Variants in DLST observed in about 807,000 individuals in gnomAD.
DLST encodes the protein dihydrolipoamide S-succinyltransferase.
A neutral mutation model predicts 53.1 loss-of-function variants in DLST; 17 were observed. The ratio of observed to expected loss-of-function variants is 0.32; its 90% CI spans 0.22 to 0.48. The LOEUF (loss-of-function observed/expected upper bound fraction) is 0.48. Ranked by LOEUF, DLST falls within the 20% of genes least tolerant of loss-of-function variation. The pLI is 0.99. For missense variants in DLST, 512 were observed against 583.9 expected (o/e 0.88, Z 1.27); for synonymous variants, 206 against 204.8 (o/e 1.01, Z -0.05).
chr14:74,900,984 C>T, intron 13 of DLST, 82 bp from the exon 14 acceptor site: 1 of 1,514,936 alleles, frequency 6.6e-7, no homozygotes. Flanking sequence ...CCTCGGCCTC[C>T]CAAAGCGCTG....
chr14:74,892,344 G>A (rs1474849176), intron 7 of DLST, among the ~76,000 whole-genome samples: 1 of 152,132 alleles, frequency 6.6e-6, no homozygotes, highest in Non-Finnish European at 1.5e-5. Flanking sequence ...GCCTCCCAAG[G>A]GGAGTAATCC....
At chr14:74,898,540 T>G (rs1594881045) in intron 11 of DLST, 41 bp downstream of exon 11, 2 of 1,608,456 alleles carry the variant, frequency 1.2e-6, no homozygotes, top group Non-Finnish European at 8.5e-7. Flanking sequence ...TCCTGGGAGG[T>G]AGGTGTATGA....
chr14:74,882,177 C>T (rs1883542776), intron 1 of DLST, among the ~76,000 whole-genome samples, 161 bp downstream of exon 1: 3 of 152,098 alleles, frequency 2.0e-5, no homozygotes, highest in Admixed American at 1.3e-4. Context: ...CGTGGTTGCC[C>T]TCGGGACCGT....
At chr14:74,882,484 A>AT in intron 1 of DLST, 107 bp from the exon 2 acceptor site, 1 of 1,117,968 alleles carries the variant, frequency 8.9e-7, no homozygotes, top group Non-Finnish European at 1.3e-6. Flanking sequence ...GAGTTACGAG[A>AT]TTCACCTGTC....
intron 8 of DLST, among the ~76,000 whole-genome samples, 169 bp downstream of exon 8, chr14:74,893,155 T>C (rs1046904780): frequency 6.6e-6 from 1 of 152,242 alleles, no homozygotes; most frequent in African/African-American, 2.4e-5. Flanking sequence ...CAGCTTTCTG[T>C]TACTAGCTGT....
At chr14:74,892,344 G>C (rs1474849176) in intron 7 of DLST, among the ~76,000 whole-genome samples, 5 of 152,132 alleles carry the variant, frequency 3.3e-5, no homozygotes, top group Admixed American at 2.0e-4. Context: ...GCCTCCCAAG[G>C]GGAGTAATCC....
chr14:74,898,299 G>A, intron 10 of DLST, 70 bp from the exon 11 acceptor site: 2 of 1,570,486 alleles, frequency 1.3e-6, no homozygotes, highest in Admixed American at 3.6e-5. Context: ...TTGTGTATAT[G>A]GATTGAGAAA....
intron 7 of DLST, 126 bp from the exon 8 acceptor site, chr14:74,892,708 T>C (rs1883950583): frequency 4.5e-6 from 4 of 894,900 alleles, no homozygotes; most frequent in Non-Finnish European, 3.5e-6. Flanking sequence ...CATAGTGCTT[T>C]GCATATTGCT....
intron 3 of DLST, 158 bp downstream of exon 3, chr14:74,885,792 C>A: frequency 1.5e-6 from 1 of 659,776 alleles, no homozygotes; most frequent in Non-Finnish European, 2.6e-6. Context: ...TTCACTTTTC[C>A]CATGTGATGT....
intron 10 of DLST, 60 bp from the exon 11 acceptor site, chr14:74,898,309 A>G (rs540330361): frequency 6.3e-7 from 1 of 1,584,332 alleles, no homozygotes. Context: ...GGATTGAGAA[A>G]CCTGTGTGAA....
chr14:74,900,498 C>A, intron 13 of DLST, 126 bp downstream of exon 13: 1 of 762,984 alleles, frequency 1.3e-6, no homozygotes, highest in Non-Finnish European at 2.2e-6. Context: ...AAGCAGTTGC[C>A]CATGAGAGCT....
chr14:74,897,825 T>C (rs1297497260), intron 10 of DLST, among the ~76,000 whole-genome samples: 3 of 152,314 alleles, frequency 2.0e-5, no homozygotes, highest in South Asian at 2.1e-4. Flanking sequence ...TGCAGAGTCA[T>C]GACTGCTTTT....
At chr14:74,900,126 T>C in intron 12 of DLST, 130 bp downstream of exon 12, 7 of 1,098,680 alleles carry the variant, frequency 6.4e-6, no homozygotes, top group Non-Finnish European at 9.5e-6. Context: ...AGTAACCTTT[T>C]TTTTCTTTTA....
intron 6 of DLST, 64 bp from the exon 7 acceptor site, chr14:74,890,992 A>C (rs1020966766): frequency 6.4e-7 from 1 of 1,567,004 alleles, no homozygotes; most frequent in Non-Finnish European, 8.7e-7. Context: ...TGGAGATTCT[A>C]TACAGCTAAT....
rs528575266 is a variant in DLST at position 74,901,835 on chromosome 14, C to T, written c.1228-361C>T. Among the ~76,000 whole-genome samples, 11 of 142,032 alleles carry T rather than the reference C, an allele frequency of 7.7e-5. 1 individual carries two copies. The South Asian group carries it at 2.6e-3, about 34-fold the overall frequency. The allele number at this position is 142,032 out of a possible 152,430, so 93.2% of individuals were successfully genotyped here. A position where few individuals can be genotyped will look rare whatever the true frequency, so the allele number is the denominator to read the frequency against. On this transcript the variant is annotated intron_variant, in intron 14 of 14. Transcript: ENST00000334220. ...ACATACAATTCCAGAATTTGTAGACCCTGGCTTAATTTTTTTTTTTTTTTT... is the reference window on the plus strand; with the variant it reads ...ACATACAATTCCAGAATTTGTAGACTCTGGCTTAATTTTTTTTTTTTTTTT...
At chr14:74,898,330 C>T (rs1216602305) in intron 10 of DLST, 39 bp from the exon 11 acceptor site, 37 of 1,596,844 alleles carry the variant, frequency 2.3e-5, no homozygotes, top group Non-Finnish European at 2.9e-5. Context: ...AGTCAAAATG[C>T]AGGCTTTGTG....
chr14:74,899,725 G>A (rs1884181598), intron 11 of DLST, among the ~76,000 whole-genome samples, 198 bp from the exon 12 acceptor site: 1 of 152,120 alleles, frequency 6.6e-6, no homozygotes, highest in African/African-American at 2.4e-5. Flanking sequence ...GCTCAGTCAG[G>A]GACTTGGGAG....
intron 8 of DLST, 57 bp from the exon 9 acceptor site, chr14:74,893,291 A>G: frequency 6.3e-7 from 1 of 1,597,056 alleles, no homozygotes; most frequent in Non-Finnish European, 8.6e-7. Flanking sequence ...ACTGGCACAA[A>G]CTCAGCAGAT....
At chr14:74,901,273 C>A in intron 14 of DLST, 40 bp downstream of exon 14, 1 of 1,557,436 alleles carries the variant, frequency 6.4e-7, no homozygotes, top group Non-Finnish European at 8.7e-7. Flanking sequence ...GGCTAGGTCT[C>A]GATGAAAGGG....
Sources: allele counts gnomAD v4.1 joint callset (sites outside exome capture counted in the v4.1 genomes callset), GRCh38; gene constraint gnomAD v4.1.1; transcripts MANE v1.5; gene names NCBI Gene and HGNC (gene_info 2026-07-23, HGNC 2026-07-21).